The following C14orf39 variants were observed in gnomAD, a reference collection of about 807,000 sequenced individuals.
C14orf39 encodes the protein protein SIX6OS1.
In C14orf39, 66 loss-of-function variants were observed where a neutral mutation model predicts 85.6. That is an observed-to-expected ratio of 0.77 (90% CI 0.63 to 0.95). The LOEUF (loss-of-function observed/expected upper bound fraction) is 0.95, where lower values mean the gene tolerates loss of function less well. Among genes scored for constraint, C14orf39 ranks in the 40% least tolerant of loss-of-function variants. The pLI is 0.00. For synonymous variants in C14orf39, 242 were observed against 214.0 expected, an observed-to-expected ratio of 1.13 and a Z score of -1.14; for missense variants, 735 against 663.9, an observed-to-expected ratio of 1.11 and a Z score of -1.18.
chr14:60,481,903 T>C (rs1481080470), intron 4 of C14orf39, among the ~76,000 whole-genome samples: 4 of 152,192 alleles, frequency 2.6e-5, no homozygotes, highest in African/African-American at 9.6e-5. Flanking sequence ...TTTATATCAT[T>C]ATAGGGTATT....
intron 16 of C14orf39, among the ~76,000 whole-genome samples, chr14:60,449,645 T>C (rs752037592): frequency 5.3e-5 from 8 of 152,236 alleles, no homozygotes; most frequent in Non-Finnish European, 7.3e-5. Flanking sequence ...TTTTGTCAAT[T>C]ATTTTCAAAT....
chr14:60,464,505 A>ATG (rs1267320443), intron 11 of C14orf39, among the ~76,000 whole-genome samples: 1 of 152,136 alleles, frequency 6.6e-6, no homozygotes, highest in Non-Finnish European at 1.5e-5. Context: ...TTTCTTTGAA[A>ATG]GTCTGTCAAA....
Position 60,461,291 on chromosome 14 carries a change from T to C in C14orf39, c.1117+63A>G, listed in dbSNP as rs1406943245. The C allele has an allele frequency of 2.6e-5, 36 of 1,372,006 alleles. No individual in the cohort carries two copies. The East Asian group carries it at 4.6e-4, about 18-fold the overall frequency. The allele number at this position is 1,372,006 out of a possible 1,614,324, so 85.0% of individuals were successfully genotyped here. On this transcript the variant is annotated intron_variant, in intron 13 of 17. Transcript: ENST00000321731. ...TAATCGAAACAATTTATTTGACTAA[T>C]GTAAAAACCTGATATAATTTGTTAC...
At chr14:60,469,429 C>T (rs1891959300) in intron 8 of C14orf39, 104 bp downstream of exon 8, 1 of 375,856 alleles carries the variant, frequency 2.7e-6, no homozygotes, top group Non-Finnish European at 4.6e-6. Context: ...AACCTTTCTC[C>T]ACATTAGGCT....
At chr14:60,500,228 T>C (rs375108993) in intron 1 of C14orf39, among the ~76,000 whole-genome samples, 1 of 152,076 alleles carries the variant, frequency 6.6e-6, no homozygotes, top group African/African-American at 2.4e-5. Context: ...GGTTTTACCA[T>C]GTCGGTCAGG....
chr14:60,444,883 A>G (rs1478997415), intron 16 of C14orf39, among the ~76,000 whole-genome samples: 1 of 152,256 alleles, frequency 6.6e-6, no homozygotes, highest in Admixed American at 6.5e-5. Flanking sequence ...CAGAAACCCT[A>G]CAAGCCAGAA....
chr14:60,476,051 A>C (rs562521878), intron 5 of C14orf39, among the ~76,000 whole-genome samples: 2 of 152,306 alleles, frequency 1.3e-5, no homozygotes, highest in South Asian at 2.1e-4. Flanking sequence ...GAATCTTAAG[A>C]AAGTTTTAAT....
At chr14:60,505,905 C>G (rs1037818252) in intron 1 of C14orf39, among the ~76,000 whole-genome samples, 1 of 152,096 alleles carries the variant, frequency 6.6e-6, no homozygotes, top group Non-Finnish European at 1.5e-5. Context: ...AGGGGCAGAG[C>G]GAGGAGTGAG....
chr14:60,443,989 G>C (rs1009209349), intron 16 of C14orf39, among the ~76,000 whole-genome samples: 3 of 152,090 alleles, frequency 2.0e-5, no homozygotes, highest in Non-Finnish European at 4.4e-5. Context: ...CAAACAGAAA[G>C]GAATAGCATC....
chr14:60,442,093 C>T lies in C14orf39; in HGVS notation c.1542G>A (p.Leu514=). 2.5e-6 allele frequency: 4 copies of T among 1,610,208 alleles called. No individual in the cohort carries two copies. The East Asian group carries it at 6.7e-5, about 27-fold the overall frequency. ...ACTTACCAATCTCTTGCTCTGATGA[C>T]AGAGGATTTAGATTTCTTGCAGAAT... ...EHYSARNLNP[L]SSEQEIGNLL... The change falls in exon 17 of 18, where the codon CTG becomes CTA. Residue 514 remains leucine, a synonymous_variant. Transcript: ENST00000321731.
At position 60,511,684 on chromosome 14, in the gene C14orf39, G is replaced by A. The variant is rs534708234; in HGVS notation, c.-144+3711C>T. On this transcript the variant is annotated intron_variant, in intron 1 of 5. Coordinates refer to the C14orf39 transcript ENST00000556799. ...TGTTTATTTACTTATTTAAGAGACC[G>A]CCATGGTAGGTTTCTCTGTAGCTTG... 4.7e-4 allele frequency: 122 copies of A among 260,798 alleles called. No homozygotes were observed. Among genetic ancestry groups the A allele is most frequent in the Middle Eastern group, 2.9e-3 (2 of 690 alleles). 16.2% of individuals were successfully genotyped at this position (260,798 alleles called of 1,614,324 possible).
chr14:60,447,408 AC>A (rs1302341453), intron 16 of C14orf39, among the ~76,000 whole-genome samples: 1 of 151,960 alleles, frequency 6.6e-6, no homozygotes, highest in African/African-American at 2.4e-5. Flanking sequence ...CCAATAACAG[AC>A]AGAGAGCCAA....
At chr14:60,448,865 G>T (rs1201968691) in intron 16 of C14orf39, among the ~76,000 whole-genome samples, 1 of 152,186 alleles carries the variant, frequency 6.6e-6, no homozygotes, top group African/African-American at 2.4e-5. Flanking sequence ...CCATAAAAAG[G>T]ACGAGTTCAT....
At chr14:60,461,455 A>G in intron 12 of C14orf39, 43 bp from the exon 13 acceptor site, 2 of 1,572,512 alleles carry the variant, frequency 1.3e-6, no homozygotes, top group Non-Finnish European at 1.7e-6. Context: ...TTCTGAGTTG[A>G]TATCTATAAA....
chr14:60,439,861 G>A (rs1890425197), intron 17 of C14orf39, among the ~76,000 whole-genome samples: 1 of 152,140 alleles, frequency 6.6e-6, no homozygotes, highest in South Asian at 2.1e-4. Context: ...ATCACCTGAG[G>A]TCAGGAATTT....
intron 11 of C14orf39, 69 bp downstream of exon 11, chr14:60,465,910 C>G: frequency 2.8e-6 from 2 of 710,220 alleles, no homozygotes; most frequent in Non-Finnish European, 2.2e-6. Flanking sequence ...GTCTTAAGGG[C>G]AGTACATTCA....
At chr14:60,470,960 T>G (rs1402281686) in intron 7 of C14orf39, among the ~76,000 whole-genome samples, 1 of 151,958 alleles carries the variant, frequency 6.6e-6, no homozygotes, top group Non-Finnish European at 1.5e-5. Context: ...GAATTATTTA[T>G]TTACATGTCA....
chr14:60,497,687 C>A (rs8018429), intron 2 of C14orf39, among the ~76,000 whole-genome samples: 11 of 151,996 alleles, frequency 7.2e-5, no homozygotes, highest in African/African-American at 2.4e-4. Context: ...ACTAGCCTAG[C>A]CCACATGGTG....
At chr14:60,475,506 G>GA (rs769175944) in intron 5 of C14orf39, among the ~76,000 whole-genome samples, 34 of 151,914 alleles carry the variant, frequency 2.2e-4, no homozygotes, top group Admixed American at 8.5e-4. Flanking sequence ...TTAAATTATT[G>GA]AAAAAATCAA....
Sources: gnomAD v4.1 joint callset for allele counts (sites outside exome capture counted in the v4.1 genomes callset) on GRCh38, gnomAD v4.1.1 for gene constraint, MANE v1.5 for transcripts, NCBI Gene and HGNC (gene_info 2026-07-23, HGNC 2026-07-21) for gene names.